USP42: variants seen among roughly 807,000 people sequenced by gnomAD.
The protein encoded by USP42 is ubiquitin specific peptidase 42.
In USP42, 23 loss-of-function variants were observed where a neutral mutation model predicts 113.0. The observed-to-expected ratio is 0.20, with a 90% CI of 0.15 to 0.29. The LOEUF (loss-of-function observed/expected upper bound fraction) is 0.29, where lower values mean the gene tolerates loss of function less well. Among genes scored for constraint, USP42 ranks in the 10% least tolerant of loss-of-function variants. The pLI is 1.00. For synonymous variants in USP42, 933 were observed against 699.0 expected (o/e 1.33, Z -5.28); for missense variants, 2,174 against 1,779.8 (o/e 1.22, Z -3.99).
chr7:6,129,908 A>G (rs565986868), intron 3 of USP42, among the ~76,000 whole-genome samples: 88 of 152,070 alleles, frequency 5.8e-4, no homozygotes, highest in African/African-American at 2.0e-3. Context: ...GAACCATATC[A>G]GACAATGTTA....
the USP42 span, among the ~76,000 whole-genome samples, chr7:6,089,211 ATT>A: frequency 2.9e-5 from 4 of 138,054 alleles, no homozygotes; most frequent in Non-Finnish European, 3.1e-5. Context: ...CGCCTGGCTA[ATT>A]TTTTTTTTTT....
intron 3 of USP42, among the ~76,000 whole-genome samples, chr7:6,132,986 C>T (rs766677830): frequency 2.4e-4 from 36 of 152,144 alleles, no homozygotes; most frequent in Non-Finnish European, 3.1e-4. Flanking sequence ...CTGTTTTTAT[C>T]TCCAGTGCTT....
chr7:6,112,879 T>G (rs891863944), intron 2 of USP42, among the ~76,000 whole-genome samples: 5 of 151,658 alleles, frequency 3.3e-5, no homozygotes, highest in Admixed American at 6.6e-5. Context: ...CCATGTTGTT[T>G]TTGAGTCCTT....
At chr7:6,085,395 G>C in the USP42 span, 131 of 150,764 alleles carry the variant, frequency 8.7e-4, 7 homozygotes, top group African/African-American at 3.1e-3. Context: ...AAAATCCTGG[G>C]ATTTTAGGCG....
chr7:6,143,555 T>G (rs917699616), intron 8 of USP42, among the ~76,000 whole-genome samples: 2 of 152,202 alleles, frequency 1.3e-5, no homozygotes, highest in African/African-American at 4.8e-5. Flanking sequence ...TTAAGTAGAT[T>G]TCCACTTTGT....
At chr7:6,094,849 G>A in the USP42 span, among the ~76,000 whole-genome samples, 5,017 of 148,454 alleles carry the variant, frequency 0.034, 513 homozygotes, top group African/African-American at 0.12. Flanking sequence ...GTACAGTGAC[G>A]CAATCTCGGC....
intron 12 of USP42, among the ~76,000 whole-genome samples, 164 bp downstream of exon 12, chr7:6,148,056 G>A (rs766242885): frequency 4.6e-5 from 7 of 152,132 alleles, no homozygotes; most frequent in Admixed American, 1.3e-4. Context: ...TACAGAAAAC[G>A]GCCGAGCGCA....
chr7:6,116,398 A>G (rs1779914015), intron 3 of USP42: 1 of 168,036 alleles, frequency 6.0e-6, no homozygotes, highest in Admixed American at 6.5e-5. Context: ...ATCAACCTTC[A>G]GAATTTGGAA....
At chr7:6,119,386 G>A (rs776783556) in intron 3 of USP42, among the ~76,000 whole-genome samples, 4 of 152,142 alleles carry the variant, frequency 2.6e-5, no homozygotes, top group Non-Finnish European at 5.9e-5. Flanking sequence ...TGAGAGGCTC[G>A]CTTCAGCTCA....
intron 2 of USP42, among the ~76,000 whole-genome samples, chr7:6,111,603 ATTTT>A (rs1201458342): frequency 1.5e-5 from 2 of 137,864 alleles, no homozygotes; most frequent in Admixed American, 7.3e-5. Flanking sequence ...TTTTATTCCA[ATTTT>A]TTTTTTTTTT....
upstream of USP42, among the ~76,000 whole-genome samples, chr7:6,103,839 A>G (rs1281969588): frequency 6.6e-6 from 1 of 150,868 alleles, no homozygotes; most frequent in African/African-American, 2.5e-5. Flanking sequence ...GAGCTGCTTG[A>G]GCCCAGGAAT....
chr7:6,140,025 G>A, intron 5 of USP42, 103 bp from the exon 6 acceptor site: 1 of 1,085,882 alleles, frequency 9.2e-7, no homozygotes, highest in South Asian at 1.3e-5. Flanking sequence ...TGTCCTGTTT[G>A]AATTCTTGAT....
At chr7:6,143,336 T>C (rs897249503) in intron 8 of USP42, among the ~76,000 whole-genome samples, 3 of 152,140 alleles carry the variant, frequency 2.0e-5, no homozygotes, top group Admixed American at 1.3e-4. Flanking sequence ...GTCTGCCAAA[T>C]AGCATTTTCA....
chr7:6,118,244 CA>C (rs1189449775), intron 3 of USP42, among the ~76,000 whole-genome samples: 11 of 151,852 alleles, frequency 7.2e-5, no homozygotes. Flanking sequence ...TAAAAAAAAT[CA>C]AAAATTAGGC....
the USP42 span, among the ~76,000 whole-genome samples, chr7:6,098,076 T>C: frequency 6.7e-6 from 1 of 148,494 alleles, no homozygotes; most frequent in South Asian, 2.1e-4. Context: ...CAGCTAAGTT[T>C]TGTATTTTTA....
At chr7:6,117,329 C>A (rs182697924) in intron 3 of USP42, among the ~76,000 whole-genome samples, 5 of 152,168 alleles carry the variant, frequency 3.3e-5, no homozygotes, top group Non-Finnish European at 7.3e-5. Context: ...TCGCTTCTTT[C>A]ACTCAGCATA....
At chr7:6,129,733 C>T (rs1392854429) in intron 3 of USP42, among the ~76,000 whole-genome samples, 4 of 151,702 alleles carry the variant, frequency 2.6e-5, no homozygotes, top group African/African-American at 9.7e-5. Flanking sequence ...TGGTGGTGCA[C>T]ACCTCTAATC....
intron 2 of USP42, among the ~76,000 whole-genome samples, chr7:6,113,307 C>T (rs1299517424): frequency 6.6e-6 from 1 of 152,098 alleles, no homozygotes; most frequent in Non-Finnish European, 1.5e-5. Flanking sequence ...GAATGTTGCA[C>T]ATGGAGGTGG....
chr7:6,104,129 C>G (rs1435822238), upstream of USP42, among the ~76,000 whole-genome samples: 10 of 151,346 alleles, frequency 6.6e-5, no homozygotes. Context: ...GGCTGGAGGG[C>G]TGCAGTGCAG....
Sources: allele counts gnomAD v4.1 joint callset (sites outside exome capture counted in the v4.1 genomes callset), GRCh38; gene constraint gnomAD v4.1.1; transcripts MANE v1.5; gene names NCBI Gene and HGNC (gene_info 2026-07-23, HGNC 2026-07-21).